The following RABGAP1L variants were observed in gnomAD, a reference collection of about 807,000 sequenced individuals.
RABGAP1L encodes RAB GTPase activating protein 1 like, also known as rab GTPase-activating protein 1-like.
Under a neutral mutation model 137.7 loss-of-function variants are expected in RABGAP1L, and 63 were observed. The ratio of observed to expected loss-of-function variants is 0.46; its 90% confidence interval spans 0.37 to 0.56. The LOEUF (loss-of-function observed/expected upper bound fraction) is 0.56, where lower values mean the gene tolerates loss of function less well. Ranked by LOEUF, RABGAP1L falls within the 20% of genes least tolerant of loss-of-function variation. The pLI is 0.00. For synonymous variants in RABGAP1L, 431 were observed against 433.7 expected (o/e 0.99, Z 0.08); for missense variants, 1,095 against 1,244.0 (o/e 0.88, Z 1.80).
chr1:174,292,564 C>CT (rs527654883), intron 10 of RABGAP1L, among the ~76,000 whole-genome samples: 3 of 151,020 alleles, frequency 2.0e-5, no homozygotes, highest in South Asian at 2.1e-4. Context: ...TTAGATTTTC[C>CT]TTTTTTTTGC....
At chr1:174,524,049 G>A (rs1044294168) in intron 13 of RABGAP1L, among the ~76,000 whole-genome samples, 1 of 152,120 alleles carries the variant, frequency 6.6e-6, no homozygotes, top group Non-Finnish European at 1.5e-5. Flanking sequence ...TGGACAGTTA[G>A]GTTGATTCCA....
At chr1:174,635,330 AT>A (rs1673908984) in intron 13 of RABGAP1L, among the ~76,000 whole-genome samples, 1 of 152,174 alleles carries the variant, frequency 6.6e-6, no homozygotes, top group African/African-American at 2.4e-5. Flanking sequence ...CAGTAGTAAC[AT>A]TTTTATTCCT....
chr1:174,832,795 C>A (rs1309598629), intron 19 of RABGAP1L, among the ~76,000 whole-genome samples: 1 of 152,210 alleles, frequency 6.6e-6, no homozygotes, highest in Non-Finnish European at 1.5e-5. Flanking sequence ...CATATTTTTC[C>A]CTTATGATTC....
At chr1:174,905,238 A>G (rs1420326712) in intron 19 of RABGAP1L, among the ~76,000 whole-genome samples, 1 of 152,236 alleles carries the variant, frequency 6.6e-6, no homozygotes, top group African/African-American at 2.4e-5. Flanking sequence ...CTAATCCTTC[A>G]GTGCAAAAAC....
At chr1:174,854,706 A>G (rs1347847803) in intron 19 of RABGAP1L, among the ~76,000 whole-genome samples, 2 of 129,246 alleles carry the variant, frequency 1.5e-5, no homozygotes, top group Non-Finnish European at 3.2e-5. Flanking sequence ...AATAGACTCA[A>G]TATAAATGCT....
intron 5 of RABGAP1L, among the ~76,000 whole-genome samples, chr1:174,249,270 A>G (rs1297389476): frequency 2.0e-5 from 3 of 152,216 alleles, no homozygotes. Context: ...TTGAGTAAAA[A>G]TACTGGTAGC....
chr1:174,369,032 T>C, intron 11 of RABGAP1L, among the ~76,000 whole-genome samples: 1 of 152,204 alleles, frequency 6.6e-6, no homozygotes, highest in East Asian at 1.9e-4. Flanking sequence ...GGCACATTAT[T>C]AGTTACTGTG....
intron 11 of RABGAP1L, among the ~76,000 whole-genome samples, chr1:174,314,824 C>G (rs1679218114): frequency 1.3e-5 from 2 of 152,062 alleles, no homozygotes; most frequent in African/African-American, 4.8e-5. Context: ...TTAACAATTT[C>G]TAGTTTTATT....
chr1:174,264,846 A>C (rs937090854), intron 7 of RABGAP1L, among the ~76,000 whole-genome samples: 2 of 152,092 alleles, frequency 1.3e-5, no homozygotes, highest in Non-Finnish European at 2.9e-5. Context: ...AGAAAAAAAA[A>C]CAAAAGAAAT....
In RABGAP1L at chr1:174,512,237, A is replaced by C. The variant is rs563338467; in HGVS notation, c.1710+118092A>C. ...GAAGATAACACTTACCATCTGGGAC[A>C]CAACATTTCTACCCTAGTATTCTAT... On this transcript the variant is annotated intron_variant, in intron 13 of 25. Transcript: ENST00000681986. Among the ~76,000 whole-genome samples, 32 of 152,320 alleles carry C rather than the reference A, an allele frequency of 2.1e-4. 1 individual carries two copies. In the East Asian group the frequency reaches 6.2e-3, roughly 29 times the overall value.
intron 18 of RABGAP1L, among the ~76,000 whole-genome samples, chr1:174,767,323 A>G (rs543109003): frequency 5.3e-5 from 8 of 152,190 alleles, no homozygotes; most frequent in South Asian, 2.1e-4. Context: ...ATCCATGAAC[A>G]TGAGGTTTTT....
At position 174,394,280 on chromosome 1, in the gene RABGAP1L, A is replaced by G. The variant is rs142323811; in HGVS notation, c.1710+135A>G. 261 of 1,003,464 alleles carry G rather than the reference A, an allele frequency of 2.6e-4. 2 individuals are homozygous for G. The African/African-American group carries it at 3.9e-3, about 15-fold the overall frequency. The allele number at this position is 1,003,464 out of a possible 1,614,324, so 62.2% of individuals were successfully genotyped here. A position where few individuals can be genotyped will look rare whatever the true frequency, so the allele number is the denominator to read the frequency against. ...TTGAGGTCGTGAAGTCAGTACTTCT[A>G]CCTTTTGTTCTGAACACTTGTAGTG... is the stretch of plus-strand genomic sequence containing the variant. On this transcript the variant is annotated intron_variant, in intron 13 of 25. Transcript: ENST00000681986.
intron 14 of RABGAP1L, among the ~76,000 whole-genome samples, chr1:174,680,015 A>C (rs1677931491): frequency 6.6e-6 from 1 of 152,248 alleles, no homozygotes; most frequent in African/African-American, 2.4e-5. Flanking sequence ...ATGACACAAA[A>C]ACAGGGCATG....
chr1:174,650,012 A>G (rs1437356125), intron 14 of RABGAP1L, among the ~76,000 whole-genome samples: 1 of 152,148 alleles, frequency 6.6e-6, no homozygotes, highest in East Asian at 1.9e-4. Context: ...CGTCCCATCA[A>G]TACCTAATTT....
At chr1:174,808,596 A>G (rs1689565746) in intron 18 of RABGAP1L, among the ~76,000 whole-genome samples, 1 of 152,052 alleles carries the variant, frequency 6.6e-6, no homozygotes, top group Non-Finnish European at 1.5e-5. Context: ...TTATACCTTA[A>G]ATTATTTCAT....
chr1:174,643,939 G>GTGTGTA (rs1038932862), intron 14 of RABGAP1L, among the ~76,000 whole-genome samples: 3 of 150,070 alleles, frequency 2.0e-5, no homozygotes, highest in Admixed American at 6.6e-5. Flanking sequence ...GTGTGTGTGT[G>GTGTGTA]TGTATGTATG....
intron 13 of RABGAP1L, among the ~76,000 whole-genome samples, chr1:174,628,579 A>C (rs1471213458): frequency 6.6e-6 from 1 of 152,232 alleles, no homozygotes; most frequent in Non-Finnish European, 1.5e-5. Context: ...TTTACACATG[A>C]GGAAACTGTA....
At chr1:174,376,118 AAGAC>A (rs933359785) in intron 12 of RABGAP1L, among the ~76,000 whole-genome samples, 7 of 151,258 alleles carry the variant, frequency 4.6e-5, no homozygotes, top group Admixed American at 2.6e-4. Context: ...GAAGGAGAGA[AAGAC>A]AGAGAGAGAT....
At chr1:174,171,159 TC>T (rs1386421001) in intron 1 of RABGAP1L, among the ~76,000 whole-genome samples, 1 of 152,182 alleles carries the variant, frequency 6.6e-6, no homozygotes, top group African/African-American at 2.4e-5. Context: ...ACCTATAAGA[TC>T]CTTCCAACAT....
Sources: allele counts gnomAD v4.1 joint callset (sites outside exome capture counted in the v4.1 genomes callset), GRCh38; gene constraint gnomAD v4.1.1; transcripts MANE v1.5; gene names NCBI Gene and HGNC (gene_info 2026-07-23, HGNC 2026-07-21).